Variants in SORCS1 observed in about 807,000 individuals in gnomAD.
The protein encoded by SORCS1 is VPS10 domain-containing receptor SorCS1.
Under a neutral mutation model 146.1 loss-of-function variants are expected in SORCS1, and 60 were observed. That is an observed-to-expected ratio of 0.41 (90% CI 0.33 to 0.51). The LOEUF (loss-of-function observed/expected upper bound fraction) is 0.51. SORCS1 is among the 20% of genes least tolerant of loss of function. The probability of loss-of-function intolerance (pLI) is 0.21; values close to 1 mark genes in which losing one functional copy is unlikely to be tolerated. For missense variants in SORCS1, 1,352 were observed against 1,487.6 expected (o/e 0.91, Z 1.50); for synonymous variants, 637 against 584.0 (o/e 1.09, Z -1.31).
At chr10:106,612,362 T>TTTCCC (rs1847059226) in intron 21 of SORCS1, among the ~76,000 whole-genome samples, 1 of 124,180 alleles carries the variant, frequency 8.1e-6, no homozygotes, top group Non-Finnish European at 1.7e-5. Context: ...TCTCCTTTCC[T>TTTCCC]CTGTCTCCCC....
At chr10:107,142,859 A>G (rs528235714) in intron 1 of SORCS1, among the ~76,000 whole-genome samples, 21 of 152,366 alleles carry the variant, frequency 1.4e-4, no homozygotes, top group African/African-American at 5.0e-4. Flanking sequence ...CTATCATTAA[A>G]TACACAGGAA....
chr10:106,626,485 T>A (rs1848121500), intron 19 of SORCS1, among the ~76,000 whole-genome samples: 1 of 152,190 alleles, frequency 6.6e-6, no homozygotes, highest in African/African-American at 2.4e-5. Flanking sequence ...CACCTCTCAC[T>A]GCCATATCAT....
chr10:107,030,764 TA>T (rs1398237981), intron 1 of SORCS1, among the ~76,000 whole-genome samples: 1 of 152,150 alleles, frequency 6.6e-6, no homozygotes, highest in African/African-American at 2.4e-5. Context: ...AAAGATTTTT[TA>T]AAAACCAAAG....
intron 1 of SORCS1, among the ~76,000 whole-genome samples, chr10:107,114,536 A>C (rs1965898946): frequency 6.6e-6 from 1 of 152,184 alleles, no homozygotes; most frequent in African/African-American, 2.4e-5. Context: ...TATGCAGAAA[A>C]AGCATCTGAC....
chr10:106,920,566 C>T (rs909033526), intron 2 of SORCS1, among the ~76,000 whole-genome samples: 1 of 152,210 alleles, frequency 6.6e-6, no homozygotes, highest in African/African-American at 2.4e-5. Context: ...TTTCAGGCTG[C>T]CACCTGCACT....
intron 1 of SORCS1, among the ~76,000 whole-genome samples, chr10:107,017,394 A>G (rs1957944065): frequency 6.6e-6 from 1 of 152,262 alleles, no homozygotes; most frequent in Non-Finnish European, 1.5e-5. Context: ...AAACAAAACA[A>G]AAAACAGACA....
intron 5 of SORCS1, among the ~76,000 whole-genome samples, chr10:106,750,668 G>A (rs927424520): frequency 1.6e-5 from 2 of 128,716 alleles, no homozygotes; most frequent in Admixed American, 9.5e-5. Context: ...GACGGAACTT[G>A]CAGTGAGCCG....
At position 106,645,668 on chromosome 10, in the gene SORCS1, T is replaced by C. The variant is rs565261886; in HGVS notation, c.2475+6714A>G. Among the ~76,000 whole-genome samples the C allele has an allele frequency of 9.2e-5, 14 of 152,214 alleles. No homozygotes were observed. The East Asian group carries it at 2.5e-3, about 27-fold the overall frequency. On this transcript the variant is annotated intron_variant, in intron 18 of 25. Coordinates refer to ENST00000263054, the MANE Select transcript of SORCS1 (RefSeq NM_052918.5). ...GTTACCAGTGTTTCCCTTATTAGTT[T>C]GTAGAATTTATTTATACTCTTCTAA...
At chr10:106,857,642 G>C (rs1245990720) in intron 2 of SORCS1, among the ~76,000 whole-genome samples, 1 of 152,204 alleles carries the variant, frequency 6.6e-6, no homozygotes, top group African/African-American at 2.4e-5. Flanking sequence ...AAAGCAGTGA[G>C]AATAATTTAG....
intron 1 of SORCS1, among the ~76,000 whole-genome samples, chr10:107,151,514 A>G (rs1027989956): frequency 6.6e-6 from 1 of 152,178 alleles, no homozygotes; most frequent in Non-Finnish European, 1.5e-5. Context: ...ATGAGGAAGA[A>G]GCAAAAGTGG....
chr10:106,606,890 T>C (rs1846634309), intron 23 of SORCS1, among the ~76,000 whole-genome samples: 1 of 152,216 alleles, frequency 6.6e-6, no homozygotes, highest in African/African-American at 2.4e-5. Flanking sequence ...ACAGGTTTGC[T>C]TCCCCTTCCG....
chr10:106,738,489 G>A (rs1248303765), intron 5 of SORCS1, among the ~76,000 whole-genome samples: 1 of 152,188 alleles, frequency 6.6e-6, no homozygotes, highest in Non-Finnish European at 1.5e-5. Context: ...GTTGTGGTCA[G>A]AGAAGCAGTG....
At chr10:106,890,822 T>C (rs1018812577) in intron 2 of SORCS1, among the ~76,000 whole-genome samples, 12 of 152,174 alleles carry the variant, frequency 7.9e-5, no homozygotes, top group African/African-American at 2.7e-4. Flanking sequence ...ATTTTTTTTT[T>C]TTTAACTGGG....
intron 1 of SORCS1, among the ~76,000 whole-genome samples, chr10:107,101,937 A>G (rs1478007956): frequency 6.6e-6 from 1 of 152,128 alleles, no homozygotes; most frequent in Non-Finnish European, 1.5e-5. Flanking sequence ...TGGCCCATTT[A>G]GTCTTTCAGT....
chr10:106,922,092 A>G (rs61118370), intron 2 of SORCS1, among the ~76,000 whole-genome samples: 4,385 of 152,324 alleles, frequency 0.029, 211 homozygotes, highest in African/African-American at 0.098. Flanking sequence ...AGTCTTATTG[A>G]GCAGACAGGT....
chr10:106,950,418 T>C lies in SORCS1; in HGVS notation c.626+6095A>G, dbSNP rs1954617845. On this transcript the variant is annotated intron_variant, in intron 2 of 25. Transcript: ENST00000263054. ...TTGCCAGTTGCCCCTTTCTGACTCT[T>C]CAGCTGCTAAAACTTGTAAAGAATA... is the stretch of plus-strand genomic sequence containing the variant. Among the ~76,000 whole-genome samples the C allele has an allele frequency of 1.3e-5, 2 of 152,176 alleles. 1 individual carries two copies. The highest frequency in any genetic ancestry group is 1.3e-4 in the Admixed American group (2 of 15,286).
chr10:106,992,434 C>T (rs547311254), intron 1 of SORCS1, among the ~76,000 whole-genome samples: 1 of 152,198 alleles, frequency 6.6e-6, no homozygotes, highest in East Asian at 1.9e-4. Context: ...ATAGGTAGTT[C>T]CTAATGATCT....
At chr10:106,699,436 A>G in intron 8 of SORCS1, 43 bp from the exon 9 acceptor site, 1 of 1,541,254 alleles carries the variant, frequency 6.5e-7, no homozygotes. Flanking sequence ...AAAGAGTTTT[A>G]TACATTAACC....
upstream of SORCS1, among the ~76,000 whole-genome samples, chr10:107,165,450 A>G (rs1970021654): frequency 6.6e-6 from 1 of 151,966 alleles, no homozygotes; most frequent in Non-Finnish European, 1.5e-5. This position sits in a 1 kb window ranked among gnomAD's most constrained non-coding sequence, Gnocchi z 4.0. Flanking sequence ...GCTTTCCACT[A>G]CGCGTTTTTT....
Sources: allele counts gnomAD v4.1 joint callset (sites outside exome capture counted in the v4.1 genomes callset), GRCh38; gene constraint gnomAD v4.1.1; non-coding constraint Gnocchi (gnomAD v3.1); transcripts MANE v1.5; gene names NCBI Gene and HGNC (gene_info 2026-07-23, HGNC 2026-07-21).